SPG11: variants seen among roughly 807,000 people sequenced by gnomAD.
The protein encoded by SPG11 is spatacsin.
In SPG11, 222 loss-of-function variants were observed where a neutral mutation model predicts 274.0. The ratio of observed to expected loss-of-function variants is 0.81; its 90% confidence interval spans 0.73 to 0.91. SPG11 has a LOEUF of 0.91. Among genes scored for constraint, SPG11 ranks in the 40% least tolerant of loss-of-function variants. The pLI is 0.00. For missense variants in SPG11, 3,114 were observed against 2,872.7 expected (o/e 1.08, Z -1.92); for synonymous variants, 1,144 against 1,039.7 (o/e 1.10, Z -1.93).
At chr15:44,662,608 T>C (rs1009834072) in intron 1 of SPG11, among the ~76,000 whole-genome samples, 1 of 140,538 alleles carries the variant, frequency 7.1e-6, no homozygotes, top group Admixed American at 7.7e-5. Context: ...GAACCGTGAC[T>C]GAGCCACTAC....
intron 14 of SPG11, 115 bp from the exon 15 acceptor site, chr15:44,620,518 A>G (rs536323610): frequency 1.5e-5 from 12 of 782,812 alleles, no homozygotes; most frequent in East Asian, 2.7e-5. Context: ...TATACAATAT[A>G]TTAATTATTC....
At chr15:44,572,979 T>C (rs2082454443) in intron 32 of SPG11, among the ~76,000 whole-genome samples, 159 bp from the exon 33 acceptor site, 1 of 145,380 alleles carries the variant, frequency 6.9e-6, no homozygotes. Flanking sequence ...GGACAGGAGT[T>C]CTTTTTTTTT....
intron 31 of SPG11, among the ~76,000 whole-genome samples, chr15:44,574,575 C>G (rs1156807628): frequency 6.6e-6 from 1 of 152,178 alleles, no homozygotes; most frequent in Admixed American, 6.5e-5. Flanking sequence ...ATGCTCCACA[C>G]AATCATAATG....
intron 30 of SPG11, 116 bp from the exon 31 acceptor site, chr15:44,575,157 G>A: frequency 1.5e-6 from 2 of 1,302,906 alleles, no homozygotes; most frequent in Non-Finnish European, 2.1e-6. Context: ...CCATTACTCT[G>A]ACTGGGGATA....
chr15:44,645,929 G>C (rs371335678), intron 7 of SPG11, among the ~76,000 whole-genome samples: 20 of 152,180 alleles, frequency 1.3e-4, no homozygotes, highest in African/African-American at 4.3e-4. Flanking sequence ...ATCGCAATGA[G>C]ATACCATCTC....
intron 11 of SPG11, among the ~76,000 whole-genome samples, chr15:44,624,917 C>T (rs768092813): frequency 6.6e-6 from 1 of 151,892 alleles, no homozygotes; most frequent in Non-Finnish European, 1.5e-5. Flanking sequence ...GGTGGCTCAC[C>T]TGAGGTCAAG....
intron 31 of SPG11, 53 bp downstream of exon 31, chr15:44,574,849 A>G: frequency 6.2e-7 from 1 of 1,610,100 alleles, no homozygotes; most frequent in East Asian, 2.2e-5. Flanking sequence ...TCAACCTCAA[A>G]CTTCTCATTT....
intron 26 of SPG11, among the ~76,000 whole-genome samples, chr15:44,593,356 T>C (rs1252407471): frequency 6.6e-6 from 1 of 152,040 alleles, no homozygotes; most frequent in Non-Finnish European, 1.5e-5. Flanking sequence ...CGTGCCCAAC[T>C]AGTTTTTGTA....
At chr15:44,564,056 C>T (rs141660125) in intron 39 of SPG11, among the ~76,000 whole-genome samples, 42 of 152,224 alleles carry the variant, frequency 2.8e-4, no homozygotes, top group African/African-American at 8.4e-4. Flanking sequence ...TATAGTGGCA[C>T]GATCTCAGCT....
chr15:44,573,199 A>G (rs1331207244), intron 32 of SPG11, among the ~76,000 whole-genome samples: 1 of 151,524 alleles, frequency 6.6e-6, no homozygotes, highest in Non-Finnish European at 1.5e-5. Context: ...GTTAGCCAGG[A>G]TGGTCTCTAT....
Position 44,621,811 on chromosome 15 carries a change from C to T in SPG11, c.2568G>A (p.Trp856Ter). The T allele has an allele frequency of 1.2e-6, 2 of 1,613,958 alleles. No individual in the cohort carries two copies. Among genetic ancestry groups the T allele is most frequent in the Non-Finnish European group, 1.7e-6 (2 of 1,179,904 alleles). The change falls in exon 14 of 40, where the codon TGG becomes TGA. Residue 856 changes from tryptophan (W) to a stop codon, truncating the protein, a stop_gained. Transcript: ENST00000261866. LOFTEE classifies it high-confidence loss of function. ...TGGATTCTTGTGTTAGTTGATCCCACCACAGAGCCCAATTTAACACAATTC... is the reference window on the plus strand; with the variant it reads ...TGGATTCTTGTGTTAGTTGATCCCATCACAGAGCCCAATTTAACACAATTC... ...DHRIVLNWAL[W>*]WDQLTQESIL...
In SPG11 at chr15:44,660,413, A is replaced by G; in HGVS notation, c.442+19T>C. 1 of 1,608,802 alleles carries G rather than the reference A, an allele frequency of 6.2e-7. No individual in the cohort carries two copies. Among genetic ancestry groups the G allele is most frequent in the African/African-American group, 1.3e-5 (1 of 74,954 alleles). On this transcript the variant is annotated intron_variant, in intron 2 of 39. Coordinates refer to ENST00000261866, the MANE Select transcript of SPG11 (RefSeq NM_025137.4). ...GTCACAAATTTAAATATGCTGAAAG[A>G]CCACCTGTAGATACTTACTGATATC...
Position 44,562,884 on chromosome 15 carries a change from T to C in SPG11, c.*237A>G, listed in dbSNP as rs972296653. 8.0e-6 allele frequency: 4 copies of C among 496,968 alleles called. No individual in the cohort carries two copies. Among genetic ancestry groups the C allele is most frequent in the African/African-American group, 1.9e-5 (1 of 51,980 alleles). 30.8% of individuals were successfully genotyped at this position (496,968 alleles called of 1,614,324 possible). On this transcript the variant is annotated 3_prime_UTR_variant, in exon 40 of 40. Coordinates refer to ENST00000261866, the MANE Select transcript of SPG11 (RefSeq NM_025137.4). The stretch of plus-strand genomic sequence containing the variant: ...CCTGAGGAAGAGGAAGCTTTTGATC[T>C]TAATACTAGTATCTATATAAAATGG...
Position 44,573,551 on chromosome 15 carries a change from T to A in SPG11, c.6201A>T (p.Gly2067=), listed in dbSNP as rs764991726. 3 of 1,614,150 alleles carry A rather than the reference T, an allele frequency of 1.9e-6. No individual in the cohort carries two copies. The highest frequency in any genetic ancestry group is 2.5e-6 in the Non-Finnish European group (3 of 1,180,018). The change falls in exon 32 of 40, where the codon GGA becomes GGT. Residue 2067 remains glycine, a synonymous_variant. Coordinates refer to ENST00000261866, the MANE Select transcript of SPG11 (RefSeq NM_025137.4). Reference sequence around the variant, plus strand: ...AATCCCCGGGGGGTAGGGCACCTGTTCCCTGTGATGAAGTAAGCAGCTCCC... The same window carrying A: ...AATCCCCGGGGGGTAGGGCACCTGTACCCTGTGATGAAGTAAGCAGCTCCC... ...VTRELLTSSQ[G]TGHKQMFNPT... is the part of the protein sequence containing the mutation.
intron 8 of SPG11, among the ~76,000 whole-genome samples, chr15:44,631,959 C>T (rs1390184108): frequency 6.6e-6 from 1 of 151,578 alleles, no homozygotes; most frequent in East Asian, 1.9e-4. Flanking sequence ...CACATGCACA[C>T]CACCACGCAC....
intron 7 of SPG11, among the ~76,000 whole-genome samples, chr15:44,639,633 C>T (rs996310814): frequency 6.6e-6 from 1 of 151,628 alleles, no homozygotes; most frequent in Non-Finnish European, 1.5e-5. Context: ...AACTGGGAGG[C>T]GGAGGCTGCA....
At chr15:44,601,906 T>A (rs967509340) in intron 20 of SPG11, among the ~76,000 whole-genome samples, 1 of 152,176 alleles carries the variant, frequency 6.6e-6, no homozygotes, top group East Asian at 1.9e-4. Context: ...CACCAATGTT[T>A]GATAGTTTAA....
intron 10 of SPG11, among the ~76,000 whole-genome samples, chr15:44,627,386 ACATG>A (rs2083931814): frequency 4.6e-5 from 7 of 152,196 alleles, no homozygotes. Context: ...GTACACATTC[ACATG>A]CCTGTTTTTG....
chr15:44,577,533 C>T (rs910705619), intron 30 of SPG11, among the ~76,000 whole-genome samples: 1 of 150,016 alleles, frequency 6.7e-6, no homozygotes, highest in Non-Finnish European at 1.5e-5. Flanking sequence ...AACAAAAACT[C>T]TTAAAGATAA....
Sources: allele counts gnomAD v4.1 joint callset (sites outside exome capture counted in the v4.1 genomes callset), GRCh38; gene constraint gnomAD v4.1.1; transcripts MANE v1.5; gene names NCBI Gene and HGNC (gene_info 2026-07-23, HGNC 2026-07-21).